The following TTC23 variants were observed in gnomAD, a reference collection of about 807,000 sequenced individuals.
The protein encoded by TTC23 is tetratricopeptide repeat protein 23.
A neutral mutation model predicts 55.1 loss-of-function variants in TTC23; 58 were observed. The observed-to-expected ratio is 1.05, with a 90% CI of 0.85 to 1.31. The LOEUF (loss-of-function observed/expected upper bound fraction) is 1.31. TTC23 is among the 50% of genes most tolerant of loss of function. The pLI, the probability that TTC23 is intolerant of heterozygous loss-of-function variation, is 0.00. For missense variants in TTC23, 516 were observed against 534.4 expected (o/e 0.97, Z 0.34); for synonymous variants, 203 against 199.9 (o/e 1.02, Z -0.13).
intron 9 of TTC23, among the ~76,000 whole-genome samples, chr15:99,194,015 A>G (rs1398330296): frequency 3.3e-5 from 5 of 152,172 alleles, no homozygotes; most frequent in Non-Finnish European, 7.3e-5. Flanking sequence ...ATCTCAAAAA[A>G]AAAAAAAAGT....
chr15:99,161,419 G>A (rs1310756141), intron 11 of TTC23, among the ~76,000 whole-genome samples: 1 of 152,208 alleles, frequency 6.6e-6, no homozygotes, highest in Non-Finnish European at 1.5e-5. Flanking sequence ...AAACTGAGGA[G>A]AGAGGGATTA....
At chr15:99,142,129 C>G (rs888918802) in intron 12 of TTC23, among the ~76,000 whole-genome samples, 3 of 152,126 alleles carry the variant, frequency 2.0e-5, no homozygotes, top group African/African-American at 7.2e-5. Flanking sequence ...CTCCGTTGCT[C>G]TGAGGGGAGG....
intron 8 of TTC23, among the ~76,000 whole-genome samples, chr15:99,213,530 C>A (rs1001255325): frequency 3.9e-5 from 6 of 152,196 alleles, no homozygotes; most frequent in South Asian, 2.1e-4. Flanking sequence ...AATATTATAT[C>A]TTGGAGCTCT....
intron 3 of TTC23, among the ~76,000 whole-genome samples, chr15:99,239,449 C>T (rs1331492983): frequency 6.6e-6 from 1 of 151,978 alleles, no homozygotes; most frequent in African/African-American, 2.4e-5. Context: ...CACACCATTG[C>T]ACTCCAGCCT....
chr15:99,190,060 A>C (rs1250629670), intron 9 of TTC23, among the ~76,000 whole-genome samples: 1 of 152,066 alleles, frequency 6.6e-6, no homozygotes, highest in Non-Finnish European at 1.5e-5. Context: ...GCACGCCTAT[A>C]GTCCCAGTTA....
intron 1 of TTC23, chr15:99,248,458 T>A (rs1245219113): frequency 6.6e-6 from 1 of 152,250 alleles, no homozygotes; most frequent in Non-Finnish European, 1.5e-5. Flanking sequence ...TGCATGTATT[T>A]GCTAACAACT....
rs902815921 is a variant in TTC23 at position 99,232,656 on chromosome 15, G to A, written c.-21+2332C>T. On this transcript the variant is annotated intron_variant, in intron 4 of 13. Transcript: ENST00000394132. ...TATGATTAAAAAAAGAAAGATACAT[G>A]TTGGTGAAGATGTGGAGAAAAGGGA... Among the ~76,000 whole-genome samples the A allele has an allele frequency of 1.7e-4, 26 of 152,118 alleles. 1 individual carries two copies. Among genetic ancestry groups the A allele is most frequent in the Admixed American group, 1.6e-3 (24 of 15,270 alleles).
At chr15:99,199,790 C>T in intron 9 of TTC23, 129 bp downstream of exon 9, 6 of 916,890 alleles carry the variant, frequency 6.5e-6, no homozygotes, top group Non-Finnish European at 9.6e-6. Flanking sequence ...AGCATCTACT[C>T]TAGGCCAACT....
chr15:99,136,755 G>GACC lies in TTC23; in HGVS notation c.*1254_*1255insGGT, dbSNP rs3051330. On this transcript the variant is annotated 3_prime_UTR_variant, in exon 14 of 14. Coordinates refer to ENST00000394132, the MANE Select transcript of TTC23 (RefSeq NM_001288615.3). Reference sequence around the variant, plus strand: ...CTAGATAGGACACACGGTGAGTAGTGACATCTTACACGTTTTTAGCACACT... The same window carrying GACC: ...CTAGATAGGACACACGGTGAGTAGTGACCACATCTTACACGTTTTTAGCACACT... 99,406 of 151,642 alleles carry GACC rather than the reference G, an allele frequency of 0.66. 32,941 individuals are homozygous for GACC. Among genetic ancestry groups the GACC allele is most frequent in the African/African-American group, 0.72 (29,902 of 41,310 alleles). 9.4% of individuals were successfully genotyped at this position (151,642 alleles called of 1,614,324 possible).
At chr15:99,147,196 G>A (rs567281219) in intron 12 of TTC23, among the ~76,000 whole-genome samples, 1 of 147,042 alleles carries the variant, frequency 6.8e-6, no homozygotes, top group Non-Finnish European at 1.5e-5. Flanking sequence ...ATAGGTGTGA[G>A]CCACAGCGCT....
At position 99,175,086 on chromosome 15, in the gene TTC23, G is replaced by T. The variant is rs750110014; in HGVS notation, c.829C>A (p.His277Asn). 9 of 1,614,182 alleles carry T rather than the reference G, an allele frequency of 5.6e-6. No homozygotes were observed. In the South Asian group the frequency reaches 9.9e-5, roughly 18 times the overall value. The change falls in exon 10 of 14, where the codon CAT becomes AAT. Residue 277 changes from histidine to asparagine, a missense_variant. By Grantham distance (68) the His-to-Asn change is moderately conservative. Transcript: ENST00000394132. ...TGTCTCCCTGAAGCGACAGCAGCAT[G>T]GGCGACGATGTGTGCCGAGTCTGCT... is the stretch of plus-strand genomic sequence containing the variant. ...EAADSAHIVA[H>N]AAVASGRHEH...
chr15:99,179,133 C>A (rs1596444837), intron 9 of TTC23, among the ~76,000 whole-genome samples: 1 of 152,186 alleles, frequency 6.6e-6, no homozygotes, highest in African/African-American at 2.4e-5. Flanking sequence ...ACGGAAATGT[C>A]CAGCCAACGA....
intron 5 of TTC23, among the ~76,000 whole-genome samples, chr15:99,226,315 T>C (rs1025692870): frequency 6.6e-6 from 1 of 152,148 alleles, no homozygotes; most frequent in African/African-American, 2.4e-5. Flanking sequence ...ATAGCTTTAT[T>C]CTTAGGGAAT....
intron 10 of TTC23, among the ~76,000 whole-genome samples, chr15:99,173,693 C>T (rs1025176181): frequency 9.2e-5 from 14 of 152,224 alleles, no homozygotes; most frequent in African/African-American, 3.1e-4. Flanking sequence ...CTCCCTTCCA[C>T]ATGGCTGCCA....
At chr15:99,244,946 A>G (rs2080112904) in intron 2 of TTC23, among the ~76,000 whole-genome samples, 1 of 152,210 alleles carries the variant, frequency 6.6e-6, no homozygotes, top group African/African-American at 2.4e-5. Context: ...GAGGTAAATA[A>G]GTTCTAGAGA....
At chr15:99,160,774 G>C (rs2071256731) in intron 11 of TTC23, 1 of 152,164 alleles carries the variant, frequency 6.6e-6, no homozygotes, top group Admixed American at 6.5e-5. Flanking sequence ...CAGCACTTTG[G>C]GAGGCTGAGG....
upstream of TTC23, among the ~76,000 whole-genome samples, chr15:99,250,692 T>C (rs1438716452): frequency 2.0e-5 from 3 of 152,240 alleles, no homozygotes; most frequent in Admixed American, 6.5e-5. Context: ...GAAATACATA[T>C]TGACGGCCTA....
Position 99,202,026 on chromosome 15 carries a change from T to C in TTC23, c.582-1930A>G, listed in dbSNP as rs1038271175. Among the ~76,000 whole-genome samples the C allele has an allele frequency of 5.3e-5, 8 of 152,324 alleles. No individual in the cohort carries two copies. The South Asian group carries it at 1.2e-3, about 24-fold the overall frequency. On this transcript the variant is annotated intron_variant, in intron 8 of 13. Transcript: ENST00000394132. ...GCTGTTTTTGTAAATAAAGTTTTAT[T>C]GGCACAATGCCATGCCCATTCGTTT... is the stretch of plus-strand genomic sequence containing the variant.
intron 12 of TTC23, among the ~76,000 whole-genome samples, chr15:99,149,640 G>A (rs1239643706): frequency 6.6e-6 from 1 of 152,206 alleles, no homozygotes; most frequent in Non-Finnish European, 1.5e-5. Flanking sequence ...TGAGCCACTG[G>A]CATAGAGTAA....
Sources: gnomAD v4.1 joint callset for allele counts (sites outside exome capture counted in the v4.1 genomes callset) on GRCh38, gnomAD v4.1.1 for gene constraint, MANE v1.5 for transcripts, NCBI Gene and HGNC (gene_info 2026-07-23, HGNC 2026-07-21) for gene names.